SRGAP3: variants seen among roughly 807,000 people sequenced by gnomAD.
The protein encoded by SRGAP3 is SLIT-ROBO Rho GTPase-activating protein 3.
Under a neutral mutation model 121.1 loss-of-function variants are expected in SRGAP3, and 39 were observed. The ratio of observed to expected loss-of-function variants is 0.32; its 90% CI spans 0.25 to 0.42. The LOEUF is 0.42. SRGAP3 is among the 10% of genes least tolerant of loss of function. The probability of loss-of-function intolerance (pLI) is 1.00; values close to 1 mark genes in which losing one functional copy is unlikely to be tolerated. For missense variants in SRGAP3, 1,213 were observed against 1,470.6 expected, an observed-to-expected ratio of 0.82 and a Z score of 2.86; for synonymous variants, 601 against 570.0, an observed-to-expected ratio of 1.05 and a Z score of -0.77.
chr3:9,058,709 T>C (rs565935743), intron 6 of SRGAP3: 4,261 of 411,868 alleles, frequency 0.01, 159 homozygotes, highest in African/African-American at 0.086. Flanking sequence ...CATCTTTCTC[T>C]CTCTCTTTTT....
rs1378134304 is a variant in SRGAP3, at chr3:8,982,845, A to C, written c.*2674T>G. On this transcript the variant is annotated 3_prime_UTR_variant, in exon 22 of 22. Transcript: ENST00000383836. ...CTCATCAGCCATTTCCCAATGGAAA[A>C]AAAAAAAAAAGGTGCTTAAAGAAAA... 8.9e-6 allele frequency: 2 copies of C among 223,616 alleles called. No homozygotes were observed. The highest frequency in any genetic ancestry group is 1.8e-5 in the Non-Finnish European group (2 of 112,204). 13.9% of individuals were successfully genotyped at this position (223,616 alleles called of 1,614,324 possible). A position where few individuals can be genotyped will look rare whatever the true frequency, so the allele number is the denominator to read the frequency against.
At chr3:9,351,957 T>C (rs370024715) in intron 1 of SRGAP3, among the ~76,000 whole-genome samples, 2 of 151,384 alleles carry the variant, frequency 1.3e-5, no homozygotes, top group Non-Finnish European at 2.9e-5. Context: ...CAAAGAAGAG[T>C]TCCTGGAAAC....
intron 1 of SRGAP3, among the ~76,000 whole-genome samples, chr3:9,229,068 C>CAAAAAAA (rs61231273): frequency 1.3e-5 from 1 of 74,090 alleles, no homozygotes; most frequent in Non-Finnish European, 2.7e-5. Flanking sequence ...GACTCCGTCT[C>CAAAAAAA]AAAAAAAAAA....
In SRGAP3 at chr3:9,218,165, A is replaced by C. The variant is rs1428007406; in HGVS notation, c.67+30720T>G. The C allele has an allele frequency of 2.6e-5, 4 of 152,244 alleles. No individual in the cohort carries two copies. The highest frequency in any genetic ancestry group is 5.9e-5 in the Non-Finnish European group (4 of 68,046). The allele number at this position is 152,244 out of a possible 1,614,324, so 9.4% of individuals were successfully genotyped here. Reference sequence around the variant, plus strand: ...AGGTTTATTAGCAGACTGCAGATCCAAAAATGGTCCTCCTCTATTTGGGAA... The same window carrying C: ...AGGTTTATTAGCAGACTGCAGATCCCAAAATGGTCCTCCTCTATTTGGGAA... On this transcript the variant is annotated intron_variant, in intron 1 of 21. Transcript: ENST00000383836. The surrounding 1 kb of genome is among the most constrained non-coding windows in gnomAD (Gnocchi z 5.3).
At chr3:9,281,027 G>C (rs1408560420) in intron 3 of SRGAP3, among the ~76,000 whole-genome samples, 2 of 152,048 alleles carry the variant, frequency 1.3e-5, no homozygotes, top group East Asian at 1.9e-4. Context: ...TCTAGTTCCC[G>C]GCCTCTAGGA....
chr3:9,333,981 C>T lies in SRGAP3; in HGVS notation n.215-3385G>A, dbSNP rs140829653. The stretch of plus-strand genomic sequence containing the variant: ...AGGAATAGCAATCACCTCATAAACA[C>T]CCCTTTAGCATCACCAACTGCAAAG... On this transcript the variant is annotated intron_variant and non_coding_transcript_variant, in intron 1 of 3. Transcript: ENST00000490889. Among the ~76,000 whole-genome samples the T allele has an allele frequency of 4.5e-4, 69 of 152,164 alleles. 2 individuals carry two copies. The East Asian group carries it at 6.2e-3, about 14-fold the overall frequency.
chr3:9,353,963 T>A (rs1373571870), intron 1 of SRGAP3, among the ~76,000 whole-genome samples: 3 of 151,906 alleles, frequency 2.0e-5, no homozygotes, highest in African/African-American at 7.3e-5. Context: ...AGGCCAGGAG[T>A]GCCAATGAAA....
chr3:8,998,555 C>CATATATATG (rs71049761), intron 18 of SRGAP3, among the ~76,000 whole-genome samples: 2 of 151,406 alleles, frequency 1.3e-5, no homozygotes, highest in Non-Finnish European at 2.9e-5. Context: ...TATATATATA[C>CATATATATG]TATATATATG....
At chr3:9,107,399 T>C (rs1414405823) in intron 2 of SRGAP3, among the ~76,000 whole-genome samples, 1 of 152,236 alleles carries the variant, frequency 6.6e-6, no homozygotes, top group African/African-American at 2.4e-5. Flanking sequence ...GCAGAAGGCA[T>C]CGTTCTCCTC....
chr3:9,313,908 C>T (rs1487404949), intron 3 of SRGAP3, among the ~76,000 whole-genome samples: 14 of 151,264 alleles, frequency 9.3e-5, no homozygotes, highest in Admixed American at 2.6e-4. Context: ...GTGGGAGAAT[C>T]GCTTGAACCC....
chr3:9,002,053 A>C (rs1942801248), intron 18 of SRGAP3, among the ~76,000 whole-genome samples: 1 of 152,140 alleles, frequency 6.6e-6, no homozygotes, highest in Non-Finnish European at 1.5e-5. Flanking sequence ...CAACACTATA[A>C]ACCAACTAGA....
intron 1 of SRGAP3, among the ~76,000 whole-genome samples, chr3:9,343,632 T>C (rs1338090781): frequency 1.3e-5 from 2 of 152,218 alleles, no homozygotes. Flanking sequence ...GCATACATCT[T>C]TATATTAAAA....
chr3:9,168,310 C>T (rs957706926), intron 1 of SRGAP3, among the ~76,000 whole-genome samples: 2 of 152,232 alleles, frequency 1.3e-5, no homozygotes, highest in Admixed American at 1.3e-4. Context: ...GTGGCAGGAG[C>T]CCAACCATCG....
intron 17 of SRGAP3, among the ~76,000 whole-genome samples, chr3:9,012,373 T>C (rs1256868921): frequency 6.6e-6 from 1 of 152,224 alleles, no homozygotes; most frequent in Non-Finnish European, 1.5e-5. Flanking sequence ...ATAGTAGAAA[T>C]GCTTTGGTCT....
intron 1 of SRGAP3, among the ~76,000 whole-genome samples, chr3:9,199,155 C>T (rs1951996268): frequency 6.6e-6 from 1 of 152,222 alleles, no homozygotes; most frequent in African/African-American, 2.4e-5. Context: ...AAGAAGGATG[C>T]TCAAGGGCTC....
intron 1 of SRGAP3, among the ~76,000 whole-genome samples, chr3:9,240,273 C>T (rs747480778): frequency 2.6e-5 from 4 of 152,224 alleles, no homozygotes; most frequent in Admixed American, 1.3e-4. Context: ...TTATGAACAC[C>T]AACAAGCCAT....
rs1481797912 is a variant in SRGAP3 at position 9,082,554 on chromosome 3, G to A, written c.424-2467C>T. On this transcript the variant is annotated intron_variant, in intron 3 of 21. Transcript: ENST00000383836. ...TAAGTCACCCAGTCTACGGTATTTT[G>A]TTATAGACACCTAAAAGGACCAAGA... Among the ~76,000 whole-genome samples the A allele has an allele frequency of 4.6e-5, 7 of 152,316 alleles. No individual in the cohort carries two copies. In the East Asian group the frequency reaches 1.4e-3, roughly 29 times the overall value.
chr3:9,299,008 T>A (rs1299288287), intron 3 of SRGAP3, among the ~76,000 whole-genome samples: 1 of 139,594 alleles, frequency 7.2e-6, no homozygotes, highest in Non-Finnish European at 1.5e-5. Flanking sequence ...GCTGAGATCA[T>A]GCCACTGCAC....
At chr3:9,261,180 AG>A (rs1954248463) in intron 3 of SRGAP3, among the ~76,000 whole-genome samples, 1 of 152,206 alleles carries the variant, frequency 6.6e-6, no homozygotes, top group African/African-American at 2.4e-5. Context: ...TCCACGCAAA[AG>A]CTCCATCCAA....
Sources: allele counts gnomAD v4.1 joint callset (sites outside exome capture counted in the v4.1 genomes callset), GRCh38; gene constraint gnomAD v4.1.1; non-coding constraint Gnocchi (gnomAD v3.1); transcripts MANE v1.5; gene names NCBI Gene and HGNC (gene_info 2026-07-23, HGNC 2026-07-21).